The following MANBA variants were observed in gnomAD, a reference collection of about 807,000 sequenced individuals.
The protein encoded by MANBA is mannosidase beta, also known as beta-mannosidase.
MANBA carries 83 observed loss-of-function variants against 111.1 expected under a neutral mutation model. That is an observed-to-expected ratio of 0.75 (90% confidence interval 0.63 to 0.90). MANBA has a LOEUF of 0.90. Ranked by LOEUF, MANBA falls within the 40% of genes least tolerant of loss-of-function variation. The pLI is 0.00. For missense variants in MANBA, 1,036 were observed against 1,069.0 expected (o/e 0.97, Z 0.43); for synonymous variants, 370 against 378.7 (o/e 0.98, Z 0.27).
At position 102,705,567 on chromosome 4, in the gene MANBA, G is replaced by A. The variant is rs78627774; in HGVS notation, c.673+8871C>T. Among the ~76,000 whole-genome samples, 745 of 152,120 alleles carry A rather than the reference G, an allele frequency of 4.9e-3. 6 individuals carry two copies. The highest frequency in any genetic ancestry group is 0.017 in the African/African-American group (719 of 41,522). On this transcript the variant is annotated intron_variant, in intron 5 of 16. Transcript: ENST00000647097. ...CTACCCTGCTTATCTCCACTACCTG[G>A]AGCGAAAGTGCATGCTCTCCAGTCA...
chr4:102,748,948 C>T (rs1486331482), intron 1 of MANBA, among the ~76,000 whole-genome samples: 4 of 151,836 alleles, frequency 2.6e-5, no homozygotes, highest in Non-Finnish European at 5.9e-5. Flanking sequence ...TATTTATATC[C>T]TTTACCTGTT....
rs6828918 is a variant in MANBA at position 102,740,309 on chromosome 4, T to C, written c.178-13626A>G. On this transcript the variant is annotated intron_variant, in intron 1 of 16. Coordinates refer to ENST00000647097, the MANE Select transcript of MANBA (RefSeq NM_005908.4). The stretch of plus-strand genomic sequence containing the variant: ...AGAAGTCATAGATAACACTAACAAA[T>C]GGAAACACATCCCATGCTCATGAAT... 6.4e-3 allele frequency among the ~76,000 whole-genome samples: 978 copies of C among 152,298 alleles called. 11 individuals carry two copies. The highest frequency in any genetic ancestry group is 0.022 in the African/African-American group (914 of 41,550).
At chr4:102,743,035 G>A (rs1723463871) in intron 1 of MANBA, among the ~76,000 whole-genome samples, 3 of 152,222 alleles carry the variant, frequency 2.0e-5, no homozygotes, top group Admixed American at 2.0e-4. Flanking sequence ...ATTGGGCAAT[G>A]ACAGGGATGG....
intron 8 of MANBA, among the ~76,000 whole-genome samples, chr4:102,672,558 AG>A (rs1336783439): frequency 6.6e-6 from 1 of 152,244 alleles, no homozygotes; most frequent in Non-Finnish European, 1.5e-5. Context: ...GATAGTTAAA[AG>A]GTTACTATAG....
intron 1 of MANBA, among the ~76,000 whole-genome samples, chr4:102,748,195 C>A (rs1698993689): frequency 6.6e-6 from 1 of 152,128 alleles, no homozygotes; most frequent in Non-Finnish European, 1.5e-5. Context: ...CTTTGTGAAG[C>A]TCAAAAAACA....
intron 1 of MANBA, among the ~76,000 whole-genome samples, chr4:102,756,116 A>G (rs1434646954): frequency 2.0e-5 from 3 of 152,252 alleles, no homozygotes; most frequent in Non-Finnish European, 4.4e-5. Context: ...CAGCCATCCC[A>G]TCACTGGGTA....
chr4:102,689,450 G>A, intron 7 of MANBA, 124 bp downstream of exon 7: 1 of 607,530 alleles, frequency 1.6e-6, no homozygotes, highest in Non-Finnish European at 2.9e-6. Context: ...TGTTACTAAA[G>A]ATGATCTCTG....
chr4:102,631,944 G>T lies in MANBA; in HGVS notation c.*113C>A. On this transcript the variant is annotated 3_prime_UTR_variant, in exon 17 of 17. Transcript: ENST00000647097. ...AGAGCAATCGCTCAAATGCGTGGCA[G>T]CACGCAGACATGTCTCTCGGCTTCT... 1 of 898,854 alleles carries T rather than the reference G, an allele frequency of 1.1e-6. No individual in the cohort carries two copies. The highest frequency in any genetic ancestry group is 1.6e-5 in the African/African-American group (1 of 60,874). 55.7% of individuals were successfully genotyped at this position (898,854 alleles called of 1,614,324 possible). A position where few individuals can be genotyped will look rare whatever the true frequency, so the allele number is the denominator to read the frequency against.
chr4:102,686,685 T>C (rs1200933954), intron 7 of MANBA, among the ~76,000 whole-genome samples: 1 of 152,150 alleles, frequency 6.6e-6, no homozygotes, highest in East Asian at 1.9e-4. Context: ...TAAAACACTC[T>C]TTCCCTCTGG....
At chr4:102,697,258 AT>A (rs1210321095) in intron 5 of MANBA, among the ~76,000 whole-genome samples, 1 of 152,222 alleles carries the variant, frequency 6.6e-6, no homozygotes, top group African/African-American at 2.4e-5. Flanking sequence ...TATGGAAAAA[AT>A]AATTTAAAGA....
intron 1 of MANBA, among the ~76,000 whole-genome samples, chr4:102,734,934 T>C (rs79336745): frequency 6.6e-6 from 1 of 152,348 alleles, no homozygotes; most frequent in African/African-American, 2.4e-5. Context: ...TGTCCAGCCT[T>C]GAGTCACCCC....
rs34754408 is a variant in MANBA at position 102,650,714 on chromosome 4, G to A, written c.1705-13C>T. 7,972 of 1,606,542 alleles carry A rather than the reference G, an allele frequency of 5.0e-3. 67 individuals carry two copies. The highest frequency in any genetic ancestry group is 0.036 in the African/African-American group (2,721 of 74,862). On this transcript the variant is annotated splice_polypyrimidine_tract_variant and intron_variant, in intron 12 of 16. Transcript: ENST00000647097. Reference sequence around the variant, plus strand: ...CTGTAGACGAGACCTTTCAAATAAAGAATAAGAATTAGAAATCTGAAAGTT... The same window carrying A: ...CTGTAGACGAGACCTTTCAAATAAAAAATAAGAATTAGAAATCTGAAAGTT...
Position 102,717,714 on chromosome 4 carries a change from G to C in MANBA, c.550-3153C>G, listed in dbSNP as rs892516733. ...GGCCCAGAAGCATTCCTTTCAGAAG[G>C]AACAGCATGTGCAAAGGTCTGGAGG... is the stretch of plus-strand genomic sequence containing the variant. On this transcript the variant is annotated intron_variant, in intron 4 of 16. Coordinates refer to ENST00000647097, the MANE Select transcript of MANBA (RefSeq NM_005908.4). Among the ~76,000 whole-genome samples the C allele has an allele frequency of 5.3e-5, 8 of 152,104 alleles. No homozygotes were observed. The South Asian group carries it at 8.3e-4, about 16-fold the overall frequency.
chr4:102,740,987 A>G (rs1723382102), intron 1 of MANBA, among the ~76,000 whole-genome samples: 1 of 152,226 alleles, frequency 6.6e-6, no homozygotes, highest in Non-Finnish European at 1.5e-5. Flanking sequence ...ACAGAAAAAG[A>G]AATAATCAGC....
intron 5 of MANBA, among the ~76,000 whole-genome samples, chr4:102,713,804 G>A (rs916219018): frequency 2.7e-5 from 4 of 150,728 alleles, no homozygotes; most frequent in South Asian, 2.1e-4. Flanking sequence ...GCTGAGGCAG[G>A]AGAATCGCTT....
intron 1 of MANBA, chr4:102,751,688 C>T: frequency 1.8e-6 from 1 of 542,642 alleles, no homozygotes; most frequent in Non-Finnish European, 3.8e-6. Context: ...CAGAGCAATG[C>T]ATGTTCCATG....
intron 1 of MANBA, among the ~76,000 whole-genome samples, chr4:102,735,614 G>A (rs1012584488): frequency 2.6e-5 from 4 of 151,432 alleles, no homozygotes; most frequent in Non-Finnish European, 2.9e-5. Flanking sequence ...TTCCAGGTTG[G>A]TCTGACCCTA....
intron 4 of MANBA, among the ~76,000 whole-genome samples, chr4:102,718,017 G>T (rs1271682703): frequency 6.6e-6 from 1 of 152,208 alleles, no homozygotes; most frequent in East Asian, 1.9e-4. Flanking sequence ...TTCATGCAAG[G>T]CATGACTGAA....
At chr4:102,754,571 T>C (rs903414115) in intron 1 of MANBA, among the ~76,000 whole-genome samples, 1 of 151,984 alleles carries the variant, frequency 6.6e-6, no homozygotes, top group Admixed American at 6.5e-5. Context: ...TTATTTTTTT[T>C]TTTGAGATGT....
Sources: gnomAD v4.1 joint callset for allele counts (sites outside exome capture counted in the v4.1 genomes callset) on GRCh38, gnomAD v4.1.1 for gene constraint, MANE v1.5 for transcripts, NCBI Gene and HGNC (gene_info 2026-07-23, HGNC 2026-07-21) for gene names.